ZNF236: variants seen among roughly 807,000 people sequenced by gnomAD.
ZNF236 encodes the protein regulated by glucose.
In ZNF236, 50 loss-of-function variants were observed where a neutral mutation model predicts 191.2. The ratio of observed to expected loss-of-function variants is 0.26; its 90% CI spans 0.21 to 0.33. The LOEUF is 0.33. Ranked by LOEUF, ZNF236 falls within the 10% of genes least tolerant of loss-of-function variation. The pLI is 1.00. For synonymous variants in ZNF236, 907 were observed against 928.8 expected, an observed-to-expected ratio of 0.98 and a Z score of 0.43; for missense variants, 1,754 against 2,374.5, an observed-to-expected ratio of 0.74 and a Z score of 5.43.
chr18:76,870,420 G>T (rs1244781456), intron 4 of ZNF236, among the ~76,000 whole-genome samples: 1 of 152,200 alleles, frequency 6.6e-6, no homozygotes, highest in Admixed American at 6.5e-5. Context: ...AGGTTTGAAA[G>T]ATGATTGAAG....
At chr18:76,914,992 G>C (rs1031364804) in intron 18 of ZNF236, among the ~76,000 whole-genome samples, 16 of 152,126 alleles carry the variant, frequency 1.1e-4, no homozygotes, top group Admixed American at 1.0e-3. Context: ...TGGTTTTAGT[G>C]GATACTGGAA....
Position 76,924,166 on chromosome 18 carries a change from G to C in ZNF236, c.3661+992G>C, listed in dbSNP as rs555465167. ...TTTCTGTTGTTTCATTAGGCTCCCT[G>C]TATTTATCTCTTTTGTGTAATGCAG... On this transcript the variant is annotated intron_variant, in intron 21 of 30. Transcript: ENST00000320610. Among the ~76,000 whole-genome samples, 4 of 152,272 alleles carry C rather than the reference G, an allele frequency of 2.6e-5. No individual in the cohort carries two copies. The South Asian group carries it at 8.3e-4, about 32-fold the overall frequency.
rs750473059 is a variant in ZNF236 at position 76,881,541 on chromosome 18, C to T, written c.1417+29C>T. The T allele has an allele frequency of 1.1e-5, 17 of 1,584,596 alleles. No individual in the cohort carries two copies. In the Admixed American group the frequency reaches 2.4e-4, roughly 23 times the overall value. On this transcript the variant is annotated intron_variant, in intron 9 of 30. Coordinates refer to ENST00000320610, the MANE Select transcript of ZNF236 (RefSeq NM_001306089.2). ...ATTTTCCTAAACTTTAAAGTTTGGA[C>T]ATTTGGGATAGCATATTGCTGGTTT... is the stretch of plus-strand genomic sequence containing the variant.
chr18:76,894,871 G>T (rs1373629413), intron 9 of ZNF236, 142 bp from the exon 10 acceptor site: 1 of 1,156,456 alleles, frequency 8.6e-7, no homozygotes, highest in East Asian at 2.4e-5. Context: ...CCTAGCCCTC[G>T]ATAATGTCAG....
chr18:76,950,628 A>G (rs1469673373), intron 27 of ZNF236, among the ~76,000 whole-genome samples: 4 of 152,190 alleles, frequency 2.6e-5, no homozygotes, highest in Non-Finnish European at 4.4e-5. Flanking sequence ...CTTCTGCTGA[A>G]GTCTTGAACC....
At chr18:76,822,760 G>A (rs1055659698) in intron 1 of ZNF236, 98 bp downstream of exon 1, 8 of 144,964 alleles carry the variant, frequency 5.5e-5, no homozygotes, top group African/African-American at 1.7e-4. Context: ...GCCGGGAGCG[G>A]CGGGGCGGGG....
chr18:76,851,211 A>G (rs1975856328), intron 2 of ZNF236, among the ~76,000 whole-genome samples: 1 of 150,894 alleles, frequency 6.6e-6, no homozygotes, highest in Non-Finnish European at 1.5e-5. Flanking sequence ...AAGCATGCAT[A>G]CTTAGACGTT....
chr18:76,829,685 G>C (rs959062219), intron 1 of ZNF236, among the ~76,000 whole-genome samples: 5 of 152,148 alleles, frequency 3.3e-5, no homozygotes, highest in Admixed American at 3.3e-4. Context: ...CCTCTTTGTT[G>C]TTAGGTTTAA....
At chr18:76,840,774 C>CGTGTGTGTGT (rs1975463143) in intron 1 of ZNF236, 2 of 39,706 alleles carry the variant, frequency 5.0e-5, no homozygotes, top group African/African-American at 2.2e-4. Context: ...GTCTTTATAA[C>CGTGTGTGTGT]CTGTGTGTGT....
chr18:76,923,882 T>C (rs757779404), intron 21 of ZNF236, among the ~76,000 whole-genome samples: 2 of 152,166 alleles, frequency 1.3e-5, no homozygotes, highest in African/African-American at 4.8e-5. Context: ...GTTTGGCCTT[T>C]GGTAAACACT....
At chr18:76,871,286 G>C (rs1568205110) in intron 4 of ZNF236, among the ~76,000 whole-genome samples, 1 of 152,214 alleles carries the variant, frequency 6.6e-6, no homozygotes. Flanking sequence ...AGGAGGCAGA[G>C]TTGCTGGAGG....
At position 76,925,572 on chromosome 18, in the gene ZNF236, G is replaced by A. The variant is rs1285381199; in HGVS notation, c.4027+18G>A. ...TGTGTCAGGTAAACGCTGAGCCGAG[G>A]GAATGAGAGCAGCACAGTGATTGAA... On this transcript the variant is annotated intron_variant, in intron 22 of 30. Transcript: ENST00000320610. This position sits in a 1 kb window ranked among gnomAD's most constrained non-coding sequence, Gnocchi z 5.7. 1 of 1,606,564 alleles carries A rather than the reference G, an allele frequency of 6.2e-7. No homozygotes were observed. The highest frequency in any genetic ancestry group is 2.2e-5 in the East Asian group (1 of 44,856).
At chr18:76,926,744 A>G in intron 22 of ZNF236, among the ~76,000 whole-genome samples, 1 of 152,014 alleles carries the variant, frequency 6.6e-6, no homozygotes, top group African/African-American at 2.4e-5. Context: ...TGTGTATGGT[A>G]TAAAGGGTGA....
At chr18:76,837,389 A>G (rs1975365177) in intron 1 of ZNF236, among the ~76,000 whole-genome samples, 1 of 144,104 alleles carries the variant, frequency 6.9e-6, no homozygotes, top group Non-Finnish European at 1.5e-5. Context: ...TAATTTTTGT[A>G]TATGGTATGA....
chr18:76,907,414 T>G (rs1425887160), intron 13 of ZNF236, among the ~76,000 whole-genome samples: 1 of 152,122 alleles, frequency 6.6e-6, no homozygotes, highest in East Asian at 1.9e-4. Context: ...AGTGCCGTGG[T>G]GCAATTTTGG....
intron 3 of ZNF236, among the ~76,000 whole-genome samples, chr18:76,862,670 A>G (rs148564312): frequency 1.3e-5 from 2 of 152,258 alleles, no homozygotes; most frequent in South Asian, 2.1e-4. Flanking sequence ...CAGTGATGAG[A>G]CAGAACCATG....
At position 76,905,470 on chromosome 18, in the gene ZNF236, G is replaced by T; in HGVS notation, c.2297+55G>T. On this transcript the variant is annotated intron_variant, in intron 13 of 30. Transcript: ENST00000320610. ...TCATCTTTATAATTTCCAGTAGATG[G>T]TGGGGAGTGTTTTTAGGAAATAATT... The T allele has an allele frequency of 3.2e-6, 5 of 1,562,092 alleles. No homozygotes were observed. The South Asian group carries it at 5.9e-5, about 18-fold the overall frequency.
chr18:76,901,148 G>A (rs543363574), intron 11 of ZNF236, among the ~76,000 whole-genome samples: 2 of 152,234 alleles, frequency 1.3e-5, no homozygotes, highest in Admixed American at 1.3e-4. Context: ...ACATATAATG[G>A]AATTGGAGAT....
chr18:76,828,106 G>T (rs1056906018), intron 1 of ZNF236, among the ~76,000 whole-genome samples: 7 of 152,052 alleles, frequency 4.6e-5, no homozygotes, highest in Admixed American at 2.6e-4. Context: ...CAGTTTTCTT[G>T]GATGAATTCA....
Sources: gnomAD v4.1 joint callset for allele counts (sites outside exome capture counted in the v4.1 genomes callset) on GRCh38, gnomAD v4.1.1 for gene constraint, Gnocchi (gnomAD v3.1) non-coding constraint, MANE v1.5 for transcripts, NCBI Gene and HGNC (gene_info 2026-07-23, HGNC 2026-07-21) for gene names.